The following GAB1 variants were observed in gnomAD, a reference collection of about 807,000 sequenced individuals.
GAB1 encodes the protein GRB2-associated-binding protein 1.
A neutral mutation model predicts 66.5 loss-of-function variants in GAB1; 19 were observed. The observed-to-expected ratio is 0.29, with a 90% CI of 0.20 to 0.42. The LOEUF (loss-of-function observed/expected upper bound fraction) is 0.42. GAB1 is among the 10% of genes least tolerant of loss of function. The pLI is 1.00. For synonymous variants in GAB1, 294 were observed against 301.4 expected, an observed-to-expected ratio of 0.98 and a Z score of 0.25; for missense variants, 732 against 858.5, an observed-to-expected ratio of 0.85 and a Z score of 1.84.
intron 5 of GAB1, 61 bp downstream of exon 5, chr4:143,439,948 G>A: frequency 7.0e-7 from 1 of 1,425,734 alleles, no homozygotes; most frequent in Non-Finnish European, 9.9e-7. Flanking sequence ...TTCATAATTA[G>A]TGCCATGAGA....
intron 6 of GAB1, among the ~76,000 whole-genome samples, chr4:143,454,979 A>T (rs1735106134): frequency 6.6e-6 from 1 of 151,958 alleles, no homozygotes; most frequent in East Asian, 1.9e-4. Context: ...CTCTAGGAAT[A>T]GGTTTTAAAA....
intron 1 of GAB1, among the ~76,000 whole-genome samples, chr4:143,388,180 G>C (rs1731007082): frequency 6.6e-6 from 1 of 151,960 alleles, no homozygotes; most frequent in Non-Finnish European, 1.5e-5. Context: ...GGCACTTACT[G>C]CTTTCTGTGT....
intron 1 of GAB1, among the ~76,000 whole-genome samples, chr4:143,371,816 C>CT (rs397700120): frequency 6.6e-6 from 1 of 151,898 alleles, no homozygotes; most frequent in Non-Finnish European, 1.5e-5. Flanking sequence ...TATCCTTTCC[C>CT]GATTTCTTGT....
intron 1 of GAB1, among the ~76,000 whole-genome samples, chr4:143,394,147 G>T (rs1351661790): frequency 6.6e-6 from 1 of 152,144 alleles, no homozygotes; most frequent in African/African-American, 2.4e-5. Flanking sequence ...GGTGGCACGT[G>T]CCTGTAGTCC....
At chr4:143,366,305 G>C (rs1235506223) in intron 1 of GAB1, among the ~76,000 whole-genome samples, 2 of 152,144 alleles carry the variant, frequency 1.3e-5, no homozygotes, top group Non-Finnish European at 2.9e-5. Context: ...ATTAAGAGCA[G>C]TAACCCCACC....
intron 3 of GAB1, among the ~76,000 whole-genome samples, chr4:143,437,064 G>A (rs987308636): frequency 6.6e-6 from 1 of 152,126 alleles, no homozygotes; most frequent in Non-Finnish European, 1.5e-5. Context: ...GTGGCACAAT[G>A]TGGGTTTTCT....
At chr4:143,401,303 A>C (rs1731760537) in intron 1 of GAB1, among the ~76,000 whole-genome samples, 1 of 152,102 alleles carries the variant, frequency 6.6e-6, no homozygotes, top group South Asian at 2.1e-4. Context: ...TGTTAGATCT[A>C]ATAAATCATT....
At position 143,471,949 on chromosome 4, in the gene GAB1, A is replaced by G. The variant is rs1340582026; in HGVS notation, c.*2760A>G. The stretch of plus-strand genomic sequence containing the variant: ...GCTAGACTTTGGCCAGGAATGGGCT[A>G]AAAACCACTGGTTAACGATGTGACA... On this transcript the variant is annotated 3_prime_UTR_variant, in exon 10 of 10. Coordinates refer to ENST00000262994, the MANE Select transcript of GAB1 (RefSeq NM_002039.4). 6.6e-6 allele frequency: 1 copy of G among 152,210 alleles called. No individual in the cohort carries two copies. The highest frequency in any genetic ancestry group is 1.5e-5 in the Non-Finnish European group (1 of 68,024). 9.4% of individuals were successfully genotyped at this position (152,210 alleles called of 1,614,324 possible).
intron 6 of GAB1, among the ~76,000 whole-genome samples, chr4:143,447,236 C>G (rs1411901601): frequency 6.6e-6 from 1 of 152,068 alleles, no homozygotes; most frequent in African/African-American, 2.4e-5. Context: ...TGTGATGCCT[C>G]CAGCTTTGTT....
intron 2 of GAB1, among the ~76,000 whole-genome samples, chr4:143,420,844 T>C (rs532787667): frequency 3.6e-4 from 55 of 152,240 alleles, no homozygotes; most frequent in African/African-American, 1.3e-3. Flanking sequence ...AGAATATACA[T>C]ACACTTCCTT....
Position 143,473,214 on chromosome 4 carries a change from A to C in GAB1, c.*4025A>C, listed in dbSNP as rs1032921267. 6.6e-6 allele frequency: 1 copy of C among 152,136 alleles called. No individual in the cohort carries two copies. Among genetic ancestry groups the C allele is most frequent in the Non-Finnish European group, 1.5e-5 (1 of 68,032 alleles). The allele number at this position is 152,136 out of a possible 1,614,324, so 9.4% of individuals were successfully genotyped here. A position where few individuals can be genotyped will look rare whatever the true frequency, so the allele number is the denominator to read the frequency against. Reference sequence around the variant, plus strand: ...TTTTGACAACAAAATCATATGTATAAATTTATTTCTCCCCTCTTGTTCATC... The same window carrying C: ...TTTTGACAACAAAATCATATGTATACATTTATTTCTCCCCTCTTGTTCATC... On this transcript the variant is annotated 3_prime_UTR_variant, in exon 10 of 10. Coordinates refer to ENST00000262994, the MANE Select transcript of GAB1 (RefSeq NM_002039.4).
intron 1 of GAB1, among the ~76,000 whole-genome samples, chr4:143,384,365 A>G (rs1287582738): frequency 6.6e-6 from 1 of 152,246 alleles, no homozygotes; most frequent in East Asian, 1.9e-4. Flanking sequence ...TAATTTTGAA[A>G]CATTTCTTTC....
At chr4:143,447,903 A>C (rs1163910437) in intron 6 of GAB1, among the ~76,000 whole-genome samples, 1 of 152,218 alleles carries the variant, frequency 6.6e-6, no homozygotes, top group East Asian at 1.9e-4. Flanking sequence ...TTGCCCATTC[A>C]GTATGATATT....
At chr4:143,446,284 T>C (rs537143979) in intron 6 of GAB1, among the ~76,000 whole-genome samples, 1 of 152,308 alleles carries the variant, frequency 6.6e-6, no homozygotes, top group Admixed American at 6.5e-5. Context: ...AGCAGCATGA[T>C]TTATAGTCCT....
intron 1 of GAB1, among the ~76,000 whole-genome samples, chr4:143,407,746 T>A (rs1391612293): frequency 6.6e-6 from 1 of 152,152 alleles, no homozygotes; most frequent in Non-Finnish European, 1.5e-5. Flanking sequence ...CTTATTTTGC[T>A]CTATGAGAAA....
chr4:143,433,284 T>G (rs1220380644), intron 2 of GAB1, among the ~76,000 whole-genome samples: 7 of 152,198 alleles, frequency 4.6e-5, no homozygotes, highest in Admixed American at 3.9e-4. Flanking sequence ...GGAATATATA[T>G]AGAGTCCTAC....
chr4:143,413,216 T>G (rs562945742), intron 1 of GAB1, among the ~76,000 whole-genome samples: 12 of 152,344 alleles, frequency 7.9e-5, no homozygotes, highest in African/African-American at 2.9e-4. Context: ...TCTTTTGCTT[T>G]ACTTCTGCAT....
At chr4:143,340,981 CAAAA>C (rs1320141360) in intron 1 of GAB1, among the ~76,000 whole-genome samples, 1 of 152,232 alleles carries the variant, frequency 6.6e-6, no homozygotes, top group African/African-American at 2.4e-5. Flanking sequence ...GAATGACACA[CAAAA>C]AAATGAAAGT....
At chr4:143,377,969 A>C (rs1730485513) in intron 1 of GAB1, among the ~76,000 whole-genome samples, 1 of 152,162 alleles carries the variant, frequency 6.6e-6, no homozygotes, top group Non-Finnish European at 1.5e-5. Flanking sequence ...GTCCCATAGA[A>C]ATGATAGTAT....
Sources: gnomAD v4.1 joint callset for allele counts (sites outside exome capture counted in the v4.1 genomes callset) on GRCh38, gnomAD v4.1.1 for gene constraint, MANE v1.5 for transcripts, NCBI Gene and HGNC (gene_info 2026-07-23, HGNC 2026-07-21) for gene names.